Variants in MMP26 observed in about 807,000 individuals in gnomAD.
MMP26 encodes the protein matrix metalloproteinase-26.
A neutral mutation model predicts 31.0 loss-of-function variants in MMP26; 33 were observed. That is an observed-to-expected ratio of 1.06 (90% CI 0.81 to 1.42). The LOEUF (loss-of-function observed/expected upper bound fraction) is 1.42, where lower values mean the gene tolerates loss of function less well. MMP26 is among the 40% of genes most tolerant of loss of function. The pLI is 0.00. For missense variants in MMP26, 347 were observed against 316.1 expected (o/e 1.10, Z -0.74); for synonymous variants, 122 against 114.9 (o/e 1.06, Z -0.40).
At chr11:4,863,863 T>C (rs1028898477) in intron 2 of MMP26, among the ~76,000 whole-genome samples, 3 of 152,222 alleles carry the variant, frequency 2.0e-5, no homozygotes, top group Non-Finnish European at 4.4e-5. Flanking sequence ...CTGTCTTCTA[T>C]TATGTCCAAC....
At chr11:4,811,750 A>G (rs1041364581) in intron 2 of MMP26, among the ~76,000 whole-genome samples, 2 of 152,100 alleles carry the variant, frequency 1.3e-5, no homozygotes, top group Admixed American at 6.5e-5. Context: ...ACTCTTCCAC[A>G]GTCCCAAATG....
chr11:4,748,739 A>C (rs1848412306), intron 1 of MMP26, among the ~76,000 whole-genome samples: 2 of 152,200 alleles, frequency 1.3e-5, no homozygotes, highest in South Asian at 2.1e-4. Context: ...GATAAAATTC[A>C]GCATGAGTTC....
intron 2 of MMP26, among the ~76,000 whole-genome samples, chr11:4,894,140 G>C (rs1850668639): frequency 6.6e-6 from 1 of 151,394 alleles, no homozygotes; most frequent in Admixed American, 6.6e-5. Flanking sequence ...CATAAAAGTA[G>C]AGTGGGTTAA....
intron 2 of MMP26, among the ~76,000 whole-genome samples, chr11:4,884,244 C>T (rs553881209): frequency 3.9e-5 from 6 of 152,114 alleles, no homozygotes; most frequent in Admixed American, 6.6e-5. Flanking sequence ...AGTGAATGAC[C>T]GTCCTATAAA....
chr11:4,879,349 G>A (rs928988653), intron 2 of MMP26, among the ~76,000 whole-genome samples: 6 of 152,088 alleles, frequency 3.9e-5, no homozygotes, highest in African/African-American at 1.2e-4. Context: ...CCATATGTGG[G>A]CACACAGTTG....
At chr11:4,764,879 G>C (rs12288558) in intron 1 of MMP26, among the ~76,000 whole-genome samples, 45,648 of 150,172 alleles carry the variant, frequency 0.3, 7,935 homozygotes, top group African/African-American at 0.46. Flanking sequence ...CTCCATCACA[G>C]ACACACACAC....
intron 2 of MMP26, chr11:4,973,645 G>C (rs1846696659): frequency 6.1e-6 from 1 of 163,386 alleles, no homozygotes; most frequent in South Asian, 2.0e-4. Flanking sequence ...ACATGGTAGG[G>C]AGAGAGGAGA....
chr11:4,942,010 G>A (rs2595997), intron 2 of MMP26, among the ~76,000 whole-genome samples: 122,823 of 147,514 alleles, frequency 0.83, 51,312 homozygotes, highest in Middle Eastern at 0.91. Flanking sequence ...ACTTGAACCC[G>A]GGAGGCAGAG....
chr11:4,731,324 A>G (rs1848170590), intron 1 of MMP26, among the ~76,000 whole-genome samples: 1 of 152,164 alleles, frequency 6.6e-6, no homozygotes, highest in African/African-American at 2.4e-5. Context: ...CACACACACA[A>G]TTTGGTGTGG....
At chr11:4,870,690 T>A (rs1166902461) in intron 2 of MMP26, among the ~76,000 whole-genome samples, 1 of 152,076 alleles carries the variant, frequency 6.6e-6, no homozygotes, top group Non-Finnish European at 1.5e-5. Context: ...TGTGGTGTGG[T>A]TAGTGATTTA....
At chr11:4,923,900 C>A (rs779666334) in intron 2 of MMP26, 1 of 1,613,998 alleles carries the variant, frequency 6.2e-7, no homozygotes, top group Non-Finnish European at 8.5e-7. Context: ...TGAGCTTAGC[C>A]CCATCTTGAC....
chr11:4,814,062 G>A (rs1008987564), intron 2 of MMP26, among the ~76,000 whole-genome samples: 9 of 152,100 alleles, frequency 5.9e-5, no homozygotes, highest in Non-Finnish European at 1.0e-4. Context: ...TTATTCATTA[G>A]GTAAATGAAA....
intron 1 of MMP26, among the ~76,000 whole-genome samples, chr11:4,755,151 A>T (rs1283063737): frequency 1.3e-5 from 2 of 151,950 alleles, no homozygotes; most frequent in Admixed American, 1.3e-4. Flanking sequence ...TGTAAAGTAG[A>T]CTTGCATTTT....
chr11:4,902,711 C>T (rs1167734902), intron 2 of MMP26, among the ~76,000 whole-genome samples: 2 of 152,104 alleles, frequency 1.3e-5, no homozygotes, highest in African/African-American at 4.8e-5. Flanking sequence ...TAGAATAGCC[C>T]AATGACATTT....
chr11:4,882,425 C>T (rs774889815), intron 2 of MMP26: 4 of 1,613,822 alleles, frequency 2.5e-6, no homozygotes, highest in Non-Finnish European at 3.4e-6. Flanking sequence ...GGGTCACGAG[C>T]TTTCCCATCC....
chr11:4,862,392 C>T (rs1253693612), intron 2 of MMP26, among the ~76,000 whole-genome samples: 2 of 152,184 alleles, frequency 1.3e-5, no homozygotes, highest in Non-Finnish European at 2.9e-5. Flanking sequence ...AGACATAAAA[C>T]AATGAATGGG....
chr11:4,953,380 C>T (rs1449815887), intron 2 of MMP26, among the ~76,000 whole-genome samples: 1 of 124,398 alleles, frequency 8.0e-6, no homozygotes, highest in East Asian at 2.3e-4. Flanking sequence ...TTCAATCGCT[C>T]ATAATACACT....
chr11:4,985,191 G>A (rs1323424161), intron 2 of MMP26, among the ~76,000 whole-genome samples: 3 of 151,996 alleles, frequency 2.0e-5, no homozygotes, highest in South Asian at 4.1e-4. Flanking sequence ...AGATATAGAT[G>A]TAAATATCAA....
intron 1 of MMP26, among the ~76,000 whole-genome samples, chr11:4,753,288 T>A (rs1405401870): frequency 3.3e-5 from 5 of 152,164 alleles, no homozygotes; most frequent in Non-Finnish European, 7.4e-5. Context: ...ATAAATAGAA[T>A]CATGTATTAT....
Sources: allele counts gnomAD v4.1 joint callset (sites outside exome capture counted in the v4.1 genomes callset), GRCh38; gene constraint gnomAD v4.1.1; transcripts MANE v1.5; gene names NCBI Gene and HGNC (gene_info 2026-07-23, HGNC 2026-07-21).